The following PARD3 variants were observed in gnomAD, a reference collection of about 807,000 sequenced individuals.
PARD3 encodes partitioning defective 3 homolog.
A neutral mutation model predicts 155.4 loss-of-function variants in PARD3; 75 were observed. The observed-to-expected ratio is 0.48, with a 90% CI of 0.40 to 0.58. The LOEUF is 0.58. Ranked by LOEUF, PARD3 falls within the 20% of genes least tolerant of loss-of-function variation. The pLI is 0.00. For synonymous variants in PARD3, 576 were observed against 610.5 expected, an observed-to-expected ratio of 0.94 and a Z score of 0.83; for missense variants, 1,642 against 1,721.7, an observed-to-expected ratio of 0.95 and a Z score of 0.82.
At chr10:34,558,694 G>T (rs553422082) in intron 2 of PARD3, among the ~76,000 whole-genome samples, 1 of 152,314 alleles carries the variant, frequency 6.6e-6, no homozygotes, top group South Asian at 2.1e-4. Context: ...ACTTTGGGAG[G>T]CTGAGGTGGG....
At chr10:34,803,336 T>C (rs946523001) in intron 1 of PARD3, among the ~76,000 whole-genome samples, 2 of 152,102 alleles carry the variant, frequency 1.3e-5, no homozygotes, top group Non-Finnish European at 2.9e-5. Flanking sequence ...CTGGGAGAGA[T>C]TCCTCTTCAG....
chr10:34,252,253 A>T (rs957402471), intron 22 of PARD3, among the ~76,000 whole-genome samples: 1 of 152,134 alleles, frequency 6.6e-6, no homozygotes, highest in Non-Finnish European at 1.5e-5. Flanking sequence ...CCTCAGAGGC[A>T]GCTGAGGTCC....
chr10:34,141,086 T>C (rs1427385868), intron 22 of PARD3, among the ~76,000 whole-genome samples: 3 of 152,240 alleles, frequency 2.0e-5, no homozygotes, highest in Non-Finnish European at 4.4e-5. Flanking sequence ...ACAAATGGTC[T>C]TGATACTGAC....
intron 1 of PARD3, among the ~76,000 whole-genome samples, chr10:34,722,057 C>T (rs57060262): frequency 0.024 from 3,599 of 152,006 alleles, 140 homozygotes; most frequent in African/African-American, 0.083. Context: ...CCAGGCATGG[C>T]GCCACGTGCC....
At chr10:34,197,038 T>G (rs951013138) in intron 22 of PARD3, among the ~76,000 whole-genome samples, 1 of 152,120 alleles carries the variant, frequency 6.6e-6, no homozygotes, top group African/African-American at 2.4e-5. Flanking sequence ...TGCTTTGCCA[T>G]CCTGTGCCTT....
intron 22 of PARD3, among the ~76,000 whole-genome samples, chr10:34,135,976 G>C (rs937916353): frequency 1.2e-4 from 19 of 152,218 alleles, no homozygotes; most frequent in African/African-American, 4.6e-4. Context: ...TTATTTAAGA[G>C]AAGCTAGAAA....
intron 4 of PARD3, among the ~76,000 whole-genome samples, chr10:34,452,274 A>G (rs538983226): frequency 6.6e-6 from 1 of 152,266 alleles, no homozygotes; most frequent in Non-Finnish European, 1.5e-5. Flanking sequence ...TTTCAGTAGG[A>G]ACTGTATTTC....
At chr10:34,279,699 G>A (rs1370144745) in intron 21 of PARD3, among the ~76,000 whole-genome samples, 1 of 152,134 alleles carries the variant, frequency 6.6e-6, no homozygotes, top group Non-Finnish European at 1.5e-5. Context: ...ATTAGAAAGA[G>A]AGGAAACGGC....
chr10:34,244,989 T>C (rs1352089676), intron 22 of PARD3, among the ~76,000 whole-genome samples: 2 of 152,158 alleles, frequency 1.3e-5, no homozygotes. Context: ...GTGTGAGTCC[T>C]AAAAACAGAT....
At chr10:34,664,179 TCAATAGCAA>T (rs1430874646) in intron 2 of PARD3, 1 of 152,224 alleles carries the variant, frequency 6.6e-6, no homozygotes, top group Admixed American at 6.5e-5. Flanking sequence ...ACTGTCTGAA[TCAATAGCAA>T]AGGCAATCGA....
chr10:34,559,098 A>G (rs142134313), intron 2 of PARD3, among the ~76,000 whole-genome samples: 1 of 151,764 alleles, frequency 6.6e-6, no homozygotes, highest in East Asian at 1.9e-4. Context: ...CCCCTATGCC[A>G]AAGCACTGTG....
intron 22 of PARD3, among the ~76,000 whole-genome samples, chr10:34,189,770 C>T (rs1304045846): frequency 6.6e-6 from 1 of 152,142 alleles, no homozygotes; most frequent in East Asian, 1.9e-4. Context: ...CTGACAAAAA[C>T]CTGTTATTCA....
At chr10:34,494,780 A>G (rs77816493) in intron 3 of PARD3, among the ~76,000 whole-genome samples, 1 of 152,266 alleles carries the variant, frequency 6.6e-6, no homozygotes, top group African/African-American at 2.4e-5. Context: ...TTGTTCCCCT[A>G]ATCCCCATGT....
chr10:34,171,999 C>T (rs990463239), intron 22 of PARD3, among the ~76,000 whole-genome samples: 77 of 146,164 alleles, frequency 5.3e-4, no homozygotes, highest in African/African-American at 1.8e-3. Context: ...GAGTCCTCAA[C>T]CCAACCCCCA....
Position 34,119,641 on chromosome 10 carries a change from C to G in PARD3, c.3640G>C (p.Ala1214Pro). The change falls in exon 24 of 25, where the codon GCC becomes CCC. Residue 1214 changes from alanine (A) to proline (P), a missense_variant. Physicochemically the swap from Ala to Pro is conservative, Grantham distance 27. This residue lies in a region of PARD3 where 1,529 missense variants were observed against 1,587.3 expected (regional missense o/e 0.96). Coordinates refer to ENST00000374788, the MANE Select transcript of PARD3 (RefSeq NM_001184785.2). ...GGCAGAGAGCTGTACTGGCGCTGGG[C>G]CTGCTGGGAGCTCTCGCGCTCCTCC... ...RQEERESSQQ[A>P]QRQYSSLPRQ... The G allele has an allele frequency of 6.2e-7, 1 of 1,611,242 alleles. No homozygotes were observed. Among genetic ancestry groups the G allele is most frequent in the Non-Finnish European group, 8.5e-7 (1 of 1,179,070 alleles).
At chr10:34,357,152 T>G (rs1838973298) in intron 14 of PARD3, among the ~76,000 whole-genome samples, 1 of 152,202 alleles carries the variant, frequency 6.6e-6, no homozygotes, top group Non-Finnish European at 1.5e-5. Flanking sequence ...AGGTTTACTT[T>G]GTCACTATTT....
At chr10:34,312,956 A>T (rs1033058341) in intron 20 of PARD3, among the ~76,000 whole-genome samples, 5 of 152,226 alleles carry the variant, frequency 3.3e-5, no homozygotes, top group Non-Finnish European at 7.3e-5. Context: ...CTGACAATAC[A>T]GTATTTTATT....
intron 22 of PARD3, among the ~76,000 whole-genome samples, chr10:34,213,195 C>T (rs1312023191): frequency 6.6e-6 from 1 of 152,150 alleles, no homozygotes; most frequent in Admixed American, 6.5e-5. Context: ...TGCTTCAACT[C>T]ATGGCAGAAA....
chr10:34,580,439 G>A (rs999321008), intron 2 of PARD3, among the ~76,000 whole-genome samples: 2 of 152,154 alleles, frequency 1.3e-5, no homozygotes, highest in Non-Finnish European at 2.9e-5. Context: ...GGAGGCTGAG[G>A]TGGGAGGGTC....
Sources: allele counts gnomAD v4.1 joint callset (sites outside exome capture counted in the v4.1 genomes callset), GRCh38; gene constraint gnomAD v4.1.1; regional missense constraint gnomAD v4.1.1; transcripts MANE v1.5; gene names NCBI Gene and HGNC (gene_info 2026-07-23, HGNC 2026-07-21).